Variants in RAB8B observed in about 807,000 individuals in gnomAD.
RAB8B encodes the protein ras-related protein Rab-8B.
In RAB8B, 11 loss-of-function variants were observed where a neutral mutation model predicts 32.0. The observed-to-expected ratio is 0.34, with a 90% confidence interval of 0.22 to 0.57. The LOEUF (loss-of-function observed/expected upper bound fraction) is 0.57, where lower values mean the gene tolerates loss of function less well. Ranked by LOEUF, RAB8B falls within the 20% of genes least tolerant of loss-of-function variation. The pLI, the probability that RAB8B is intolerant of heterozygous loss-of-function variation, is 0.86. For synonymous variants in RAB8B, 103 were observed against 89.6 expected, an observed-to-expected ratio of 1.15 and a Z score of -0.85; for missense variants, 190 against 258.5, an observed-to-expected ratio of 0.73 and a Z score of 1.82.
At chr15:63,194,199 TAA>T (rs80073305) in intron 1 of RAB8B, among the ~76,000 whole-genome samples, 3 of 148,872 alleles carry the variant, frequency 2.0e-5, no homozygotes, top group African/African-American at 7.4e-5. Flanking sequence ...ATTTTATAAA[TAA>T]AAAAAAAATG....
intron 1 of RAB8B, among the ~76,000 whole-genome samples, chr15:63,190,146 G>A (rs1031155334): frequency 8.0e-5 from 12 of 149,350 alleles, no homozygotes; most frequent in African/African-American, 3.0e-4. Flanking sequence ...TAAAAGACAG[G>A]AGAGGAAGGA....
At chr15:63,223,925 A>G (rs2037868399) in intron 1 of RAB8B, 3 of 385,306 alleles carry the variant, frequency 7.8e-6, no homozygotes, top group Admixed American at 3.1e-5. Flanking sequence ...AGTGTGATGT[A>G]GTGGACAGAG....
intron 1 of RAB8B, among the ~76,000 whole-genome samples, chr15:63,226,006 C>G (rs1286948883): frequency 6.6e-6 from 1 of 151,822 alleles, no homozygotes; most frequent in Non-Finnish European, 1.5e-5. Flanking sequence ...ATGCCTGGCT[C>G]ATTTTTGTAT....
chr15:63,216,414 A>C (rs1307717950), intron 1 of RAB8B, among the ~76,000 whole-genome samples: 1 of 151,388 alleles, frequency 6.6e-6, no homozygotes, highest in African/African-American at 2.4e-5. Flanking sequence ...ATTTTAGTAG[A>C]ACTGGGGTTT....
chr15:63,249,998 C>T (rs906077610), intron 3 of RAB8B, among the ~76,000 whole-genome samples: 2 of 151,988 alleles, frequency 1.3e-5, no homozygotes, highest in Non-Finnish European at 2.9e-5. Context: ...TAGCCGGGCG[C>T]GGTGGTGGGC....
At chr15:63,236,403 A>G (rs1038372006) in intron 1 of RAB8B, among the ~76,000 whole-genome samples, 1 of 152,164 alleles carries the variant, frequency 6.6e-6, no homozygotes, top group Non-Finnish European at 1.5e-5. Context: ...GGTATATTTG[A>G]GCAACATGGA....
At chr15:63,260,534 C>T (rs1371800144) in intron 6 of RAB8B, among the ~76,000 whole-genome samples, 2 of 152,136 alleles carry the variant, frequency 1.3e-5, no homozygotes, top group African/African-American at 4.8e-5. Flanking sequence ...TTAAGGAAAA[C>T]CAAACCATCT....
At chr15:63,255,892 C>A (rs1350700021) in intron 4 of RAB8B, among the ~76,000 whole-genome samples, 1 of 152,220 alleles carries the variant, frequency 6.6e-6, no homozygotes, top group Non-Finnish European at 1.5e-5. Flanking sequence ...CTCATACAGC[C>A]TTTAAAAAGA....
rs566790577 is a variant in RAB8B at position 63,192,561 on chromosome 15, G to A, written c.124+2813G>A. Among the ~76,000 whole-genome samples the A allele has an allele frequency of 1.8e-4, 27 of 152,278 alleles. No individual in the cohort carries two copies. In the South Asian group the frequency reaches 5.2e-3, roughly 29 times the overall value. On this transcript the variant is annotated intron_variant, in intron 1 of 7. Coordinates refer to ENST00000321437, the MANE Select transcript of RAB8B (RefSeq NM_016530.3). ...ATACGGAAAAGATGTATTTCTCAAC[G>A]CCTGGGGTTTGTGTGTATGTGTTTT...
At chr15:63,255,235 G>A (rs1022718828) in intron 3 of RAB8B, among the ~76,000 whole-genome samples, 44 of 152,274 alleles carry the variant, frequency 2.9e-4, no homozygotes, top group Middle Eastern at 3.4e-3. Context: ...GTGAGGTCAG[G>A]TAGAAAGGGT....
intron 1 of RAB8B, among the ~76,000 whole-genome samples, chr15:63,193,920 C>T (rs2652847): frequency 6.6e-6 from 1 of 152,236 alleles, no homozygotes; most frequent in Non-Finnish European, 1.5e-5. Flanking sequence ...TATATTTCCT[C>T]TGGGAAATGG....
intron 5 of RAB8B, 95 bp downstream of exon 5, chr15:63,256,689 G>A: frequency 1.1e-6 from 1 of 918,208 alleles, no homozygotes; most frequent in Non-Finnish European, 1.6e-6. Context: ...TTTAAAATCT[G>A]TGTTTTAATC....
At chr15:63,226,240 A>G (rs987012049) in intron 1 of RAB8B, among the ~76,000 whole-genome samples, 4 of 152,276 alleles carry the variant, frequency 2.6e-5, no homozygotes, top group African/African-American at 9.6e-5. Context: ...ACCTTATTGT[A>G]TCTATCATGT....
intron 3 of RAB8B, among the ~76,000 whole-genome samples, chr15:63,253,386 A>T (rs2038132646): frequency 6.6e-6 from 1 of 152,228 alleles, no homozygotes; most frequent in Admixed American, 6.5e-5. Context: ...TGGAAGCCAG[A>T]CCTGGAAGGA....
Position 63,259,732 on chromosome 15 carries a change from C to T in RAB8B, c.480+40C>T, listed in dbSNP as rs2038188086. 1.3e-6 allele frequency: 2 copies of T among 1,559,452 alleles called. No homozygotes were observed. Among genetic ancestry groups the T allele is most frequent in the Admixed American group, 1.7e-5 (1 of 59,762 alleles). On this transcript the variant is annotated intron_variant, in intron 6 of 7. Coordinates refer to ENST00000321437, the MANE Select transcript of RAB8B (RefSeq NM_016530.3). The surrounding 1 kb of genome is among the most constrained non-coding windows in gnomAD (Gnocchi z 4.4). ...TTTGGTGACTGTTACGGAGCAGCAC[C>T]AGTGCTTAGGGGCCTGTGTTCAAAC...
chr15:63,241,036 G>T (rs1245361786), intron 1 of RAB8B, among the ~76,000 whole-genome samples: 1 of 152,092 alleles, frequency 6.6e-6, no homozygotes, highest in Non-Finnish European at 1.5e-5. Context: ...GGTATACATC[G>T]TCGTTTATTT....
chr15:63,251,223 G>A, intron 3 of RAB8B: 1 of 453,968 alleles, frequency 2.2e-6, no homozygotes, highest in Non-Finnish European at 4.4e-6. Flanking sequence ...GGAATCAAAG[G>A]GAAGGGGCTT....
chr15:63,262,241 C>G (rs553838238), intron 6 of RAB8B, among the ~76,000 whole-genome samples: 5 of 152,052 alleles, frequency 3.3e-5, no homozygotes, highest in Non-Finnish European at 7.4e-5. Flanking sequence ...CTGTCCTGTT[C>G]TTGGTGTACT....
chr15:63,196,286 A>G (rs1045473825), intron 1 of RAB8B, among the ~76,000 whole-genome samples: 9 of 152,260 alleles, frequency 5.9e-5, no homozygotes, highest in Non-Finnish European at 2.9e-5. Flanking sequence ...TATGGTGGTT[A>G]CAGTACTTTA....
Sources: allele counts gnomAD v4.1 joint callset (sites outside exome capture counted in the v4.1 genomes callset), GRCh38; gene constraint gnomAD v4.1.1; non-coding constraint Gnocchi (gnomAD v3.1); transcripts MANE v1.5; gene names NCBI Gene and HGNC (gene_info 2026-07-23, HGNC 2026-07-21).